SCAPER: variants seen among roughly 807,000 people sequenced by gnomAD.
SCAPER encodes S-phase cyclin A associated protein in the ER, also known as S phase cyclin A-associated protein in the endoplasmic reticulum.
A neutral mutation model predicts 182.2 loss-of-function variants in SCAPER; 98 were observed. That is an observed-to-expected ratio of 0.54 (90% CI 0.46 to 0.64). The LOEUF is 0.64. SCAPER is among the 30% of genes least tolerant of loss of function. SCAPER has a pLI of 0.00. For missense variants in SCAPER, 1,432 were observed against 1,690.0 expected (o/e 0.85, Z 2.68); for synonymous variants, 605 against 564.6 (o/e 1.07, Z -1.01).
At chr15:76,404,226 T>C (rs1361863128) in intron 27 of SCAPER, among the ~76,000 whole-genome samples, 1 of 152,088 alleles carries the variant, frequency 6.6e-6, no homozygotes, top group East Asian at 1.9e-4. Flanking sequence ...TGAAGGAGAA[T>C]CACTGGACTC....
At chr15:76,760,356 CA>C (rs1306044250) in intron 14 of SCAPER, among the ~76,000 whole-genome samples, 3 of 152,184 alleles carry the variant, frequency 2.0e-5, no homozygotes, top group African/African-American at 7.2e-5. Flanking sequence ...CAATTTATTA[CA>C]AAGGAACTTT....
intron 24 of SCAPER, chr15:76,472,377 AT>A: frequency 2.8e-6 from 2 of 714,696 alleles, no homozygotes; most frequent in Non-Finnish European, 2.5e-6. Context: ...AAGCGTGTGC[AT>A]TTTTGGTGAC....
rs57171362 is a variant in SCAPER, at chr15:76,600,453, A to AT, written c.2711+21310dup. On this transcript the variant is annotated intron_variant, in intron 22 of 31. Transcript: ENST00000563290. Reference sequence around the variant, plus strand: ...TGTATACATATACATATATATATATATTTTTTTTTTTTTGAGATGAAGTCT... The same window carrying AT: ...TGTATACATATACATATATATATATATTTTTTTTTTTTTTGAGATGAAGTCT... Among the ~76,000 whole-genome samples the AT allele has an allele frequency of 7.1e-4, 50 of 70,412 alleles. 7 individuals carry two copies. The highest frequency in any genetic ancestry group is 1.8e-3 in the African/African-American group (44 of 24,026). The allele number at this position is 70,412 out of a possible 152,430, so 46.2% of individuals were successfully genotyped here. A position where few individuals can be genotyped will look rare whatever the true frequency, so the allele number is the denominator to read the frequency against.
At chr15:76,760,891 T>C (rs1201013347) in intron 14 of SCAPER, among the ~76,000 whole-genome samples, 7 of 152,220 alleles carry the variant, frequency 4.6e-5, no homozygotes, top group African/African-American at 1.7e-4. Flanking sequence ...CACAAAAGTG[T>C]TCCCTCTTCT....
intron 5 of SCAPER, among the ~76,000 whole-genome samples, chr15:76,819,104 G>A (rs909470598): frequency 1.3e-5 from 2 of 152,256 alleles, no homozygotes; most frequent in Non-Finnish European, 2.9e-5. Flanking sequence ...CGAACTGGGT[G>A]GAGCCCACCA....
At chr15:76,551,201 C>T (rs2045740588) in intron 23 of SCAPER, among the ~76,000 whole-genome samples, 1 of 152,094 alleles carries the variant, frequency 6.6e-6, no homozygotes, top group South Asian at 2.1e-4. Context: ...AGCAATCCTG[C>T]TAGTGGCTAC....
At chr15:76,627,251 A>ATCT (rs34133509) in intron 21 of SCAPER, among the ~76,000 whole-genome samples, 124,015 of 151,756 alleles carry the variant, frequency 0.82, 51,434 homozygotes, top group Middle Eastern at 0.91. Flanking sequence ...TATTTTACAA[A>ATCT]TCTCAGAAAT....
intron 8 of SCAPER, among the ~76,000 whole-genome samples, chr15:76,778,115 A>G (rs1362433699): frequency 1.3e-5 from 2 of 152,210 alleles, no homozygotes; most frequent in East Asian, 1.9e-4. Flanking sequence ...ACAGCATCAT[A>G]AAGTTGAAAA....
chr15:76,453,146 T>C (rs2048494117), intron 25 of SCAPER, among the ~76,000 whole-genome samples: 1 of 152,226 alleles, frequency 6.6e-6, no homozygotes, highest in Non-Finnish European at 1.5e-5. Flanking sequence ...GAGGACCTTT[T>C]TCCCTGAACC....
intron 22 of SCAPER, among the ~76,000 whole-genome samples, chr15:76,616,745 T>C (rs1049486456): frequency 6.6e-6 from 1 of 152,100 alleles, no homozygotes; most frequent in African/African-American, 2.4e-5. Context: ...TGTTGATATA[T>C]ATAGTTTTTA....
At chr15:76,826,569 T>TA (rs35678906) in intron 5 of SCAPER, among the ~76,000 whole-genome samples, 30 of 144,150 alleles carry the variant, frequency 2.1e-4, no homozygotes, top group Middle Eastern at 3.6e-3. Flanking sequence ...TAATAATAAT[T>TA]AAAAAAAAAA....
chr15:76,404,528 C>G lies in SCAPER; in HGVS notation c.3463G>C (p.Gly1155Arg), dbSNP rs1352455767. The G allele has an allele frequency of 6.3e-7, 1 of 1,597,038 alleles. No individual in the cohort carries two copies. The highest frequency in any genetic ancestry group is 8.6e-7 in the Non-Finnish European group (1 of 1,169,370). Reference sequence around the variant, plus strand: ...GAGATCAAGTAGATGCCTTACCTTCCAGTGACAGCAAAGCACAGTGTACAC... The same window carrying G: ...GAGATCAAGTAGATGCCTTACCTTCGAGTGACAGCAAAGCACAGTGTACAC... ...AMCTLCFAVT[G>R]RSYSIFDNNR... The change falls in exon 27 of 32, where the codon GGA becomes CGA. Residue 1155 changes from glycine to arginine, a missense_variant. Physicochemically the swap from Gly to Arg is moderately radical, Grantham distance 125 (BLOSUM62 -2). Transcript: ENST00000563290.
At chr15:76,526,409 T>C (rs1297580490) in intron 23 of SCAPER, among the ~76,000 whole-genome samples, 1 of 152,216 alleles carries the variant, frequency 6.6e-6, no homozygotes, top group Non-Finnish European at 1.5e-5. Context: ...AGTATTTTCT[T>C]CTTCTCTTTG....
chr15:76,781,432 T>C (rs1431705272), intron 8 of SCAPER, among the ~76,000 whole-genome samples: 1 of 152,066 alleles, frequency 6.6e-6, no homozygotes, highest in Non-Finnish European at 1.5e-5. Context: ...GTGAAAGAGA[T>C]GGGGAGAATG....
intron 1 of SCAPER, among the ~76,000 whole-genome samples, chr15:76,900,101 G>T (rs1158019848): frequency 6.6e-6 from 1 of 152,082 alleles, no homozygotes; most frequent in Non-Finnish European, 1.5e-5. Context: ...GATTAAGGGC[G>T]GCGCAAGATG....
chr15:76,469,464 AG>A (rs1363965017), intron 25 of SCAPER, among the ~76,000 whole-genome samples: 4 of 152,218 alleles, frequency 2.6e-5, no homozygotes, highest in Admixed American at 2.6e-4. Flanking sequence ...ACTATTCTAT[AG>A]ATCTTACTTG....
Position 76,465,094 on chromosome 15 carries a change from A to G in SCAPER, c.3078+6118T>C, listed in dbSNP as rs915271524. On this transcript the variant is annotated intron_variant, in intron 25 of 31. Transcript: ENST00000563290. The stretch of plus-strand genomic sequence containing the variant: ...TAATTGATTATCATATATTTTTGCT[A>G]TTGAGTTGTAGTTCTTTATATATTT... 3.9e-5 allele frequency among the ~76,000 whole-genome samples: 6 copies of G among 152,058 alleles called. No individual in the cohort carries two copies. The East Asian group carries it at 7.7e-4, about 20-fold the overall frequency.
intron 24 of SCAPER, among the ~76,000 whole-genome samples, chr15:76,486,597 T>G (rs1257153104): frequency 6.6e-6 from 1 of 152,148 alleles, no homozygotes; most frequent in Admixed American, 6.5e-5. Flanking sequence ...AACAATCATA[T>G]GAAAGAAAGC....
chr15:76,355,024 C>G (rs1034985217), intron 29 of SCAPER, among the ~76,000 whole-genome samples: 2 of 152,178 alleles, frequency 1.3e-5, no homozygotes, highest in African/African-American at 4.8e-5. Flanking sequence ...AACCTAAGGT[C>G]AGAACTGTAA....
Sources: allele counts gnomAD v4.1 joint callset (sites outside exome capture counted in the v4.1 genomes callset), GRCh38; gene constraint gnomAD v4.1.1; transcripts MANE v1.5; gene names NCBI Gene and HGNC (gene_info 2026-07-23, HGNC 2026-07-21).